Variants in SEMA3A observed in about 807,000 individuals in gnomAD.
SEMA3A encodes the protein semaphorin 3A.
In SEMA3A, 29 loss-of-function variants were observed where a neutral mutation model predicts 97.9. That is an observed-to-expected ratio of 0.30 (90% CI 0.22 to 0.40). The LOEUF (loss-of-function observed/expected upper bound fraction) is 0.40, where lower values mean the gene tolerates loss of function less well. Ranked by LOEUF, SEMA3A falls within the 10% of genes least tolerant of loss-of-function variation. SEMA3A has a pLI of 1.00. For missense variants in SEMA3A, 763 were observed against 951.3 expected (o/e 0.80, Z 2.60); for synonymous variants, 321 against 323.7 (o/e 0.99, Z 0.09).
chr7:83,999,357 A>T (rs1301943972), intron 12 of SEMA3A, among the ~76,000 whole-genome samples: 1 of 152,146 alleles, frequency 6.6e-6, no homozygotes. Context: ...ATCCCTGGAG[A>T]TATAAATAAT....
At chr7:84,215,274 C>T (rs1445261673) in intron 3 of SEMA3A, among the ~76,000 whole-genome samples, 1 of 151,980 alleles carries the variant, frequency 6.6e-6, no homozygotes, top group East Asian at 2.0e-4. Context: ...CAACCTCCCC[C>T]TCCTGGGTTC....
Position 84,128,994 on chromosome 7 carries a change from T to A in SEMA3A, c.333+129A>T, listed in dbSNP as rs1795879349. ...GTTCTATCCTAAAGATATCTTATTA[T>A]ATATATGAAAAGATTCTAACCCCTT... On this transcript the variant is annotated intron_variant, in intron 3 of 16. Coordinates refer to ENST00000265362, the MANE Select transcript of SEMA3A (RefSeq NM_006080.3). The A allele has an allele frequency of 4.5e-6, 3 of 662,976 alleles. No individual in the cohort carries two copies. In the Admixed American group the frequency reaches 8.1e-5, roughly 18 times the overall value. 41.1% of individuals were successfully genotyped at this position (662,976 alleles called of 1,614,324 possible).
chr7:84,312,872 TTATATATATATATA>T lies in SEMA3A; in HGVS notation c.-168-5594_-168-5581del, dbSNP rs377261705. On this transcript the variant is annotated intron_variant, in intron 2 of 3. Transcript: ENST00000424555. ...TTTCAGAGGATATTTTGGTGTTGTT[TTATATATATATATA>T]TATATATATATATATATATATATAT... Among the ~76,000 whole-genome samples, 346 of 48,840 alleles carry T rather than the reference TTATATATATATATA, an allele frequency of 7.1e-3. 12 individuals carry two copies. The highest frequency in any genetic ancestry group is 0.024 in the African/African-American group (234 of 9,922). The allele number at this position is 48,840 out of a possible 152,430, so 32.0% of individuals were successfully genotyped here. A position where few individuals can be genotyped will look rare whatever the true frequency, so the allele number is the denominator to read the frequency against.
At chr7:84,429,066 G>T (rs1432098146) in intron 1 of SEMA3A, among the ~76,000 whole-genome samples, 1 of 151,982 alleles carries the variant, frequency 6.6e-6, no homozygotes, top group South Asian at 2.1e-4. Context: ...CAACACAAAA[G>T]GAAGTCATGA....
chr7:84,341,429 A>G (rs987492428), intron 2 of SEMA3A, among the ~76,000 whole-genome samples: 6 of 152,086 alleles, frequency 3.9e-5, no homozygotes, highest in Admixed American at 6.6e-5. Context: ...CAAGTCATTA[A>G]GATAATTTTT....
chr7:84,399,371 G>A (rs1441845884), intron 1 of SEMA3A, among the ~76,000 whole-genome samples: 1 of 152,158 alleles, frequency 6.6e-6, no homozygotes. Flanking sequence ...CCTGACTGCA[G>A]TCCTTGAATG....
chr7:84,404,163 G>T (rs1443334944), intron 1 of SEMA3A, among the ~76,000 whole-genome samples: 1 of 152,074 alleles, frequency 6.6e-6, no homozygotes, highest in Non-Finnish European at 1.5e-5. Flanking sequence ...TTAGACGAAT[G>T]GATAACTGGA....
intron 4 of SEMA3A, among the ~76,000 whole-genome samples, chr7:84,102,744 C>G (rs1794996539): frequency 6.6e-6 from 1 of 151,918 alleles, no homozygotes; most frequent in Admixed American, 6.6e-5. Context: ...CCACACCTGG[C>G]TATTTTTTGT....
intron 3 of SEMA3A, among the ~76,000 whole-genome samples, chr7:84,254,879 A>G (rs748863783): frequency 1.3e-5 from 2 of 152,168 alleles, no homozygotes; most frequent in Non-Finnish European, 2.9e-5. Context: ...GAACCAAAAG[A>G]CATTTATATG....
chr7:84,394,297 C>T (rs896698922), intron 1 of SEMA3A, among the ~76,000 whole-genome samples: 11 of 152,006 alleles, frequency 7.2e-5, no homozygotes, highest in Non-Finnish European at 1.6e-4. Flanking sequence ...TTTTTAACTT[C>T]TATGTGTTGA....
At chr7:83,982,283 T>C (rs566172318) in intron 13 of SEMA3A, among the ~76,000 whole-genome samples, 12 of 152,310 alleles carry the variant, frequency 7.9e-5, no homozygotes, top group African/African-American at 2.9e-4. Context: ...CTTTAAAGTA[T>C]GCATTCAGAT....
chr7:84,005,696 C>T, intron 10 of SEMA3A, 138 bp from the exon 11 acceptor site: 1 of 606,958 alleles, frequency 1.6e-6, no homozygotes, highest in Non-Finnish European at 2.7e-6. Flanking sequence ...ACCTCTAATC[C>T]TAGCACTTTG....
rs977484 is a variant in SEMA3A, at chr7:84,329,360, G to A, written c.-168-22068C>T. Among the ~76,000 whole-genome samples the A allele has an allele frequency of 8.5e-3, 1,297 of 152,084 alleles. 19 individuals are homozygous for A. The highest frequency in any genetic ancestry group is 0.03 in the African/African-American group (1,238 of 41,516). ...AATGTGAGAACCTTTTTGCTTAAATGTGGTGGTGGATATCACCACATTATG... is the reference window on the plus strand; with the variant it reads ...AATGTGAGAACCTTTTTGCTTAAATATGGTGGTGGATATCACCACATTATG... On this transcript the variant is annotated intron_variant, in intron 2 of 3. Transcript: ENST00000424555.
In SEMA3A at chr7:84,430,173, TTAA is replaced by T. The variant is rs1206089412; in HGVS notation, c.-245-58276_-245-58274del. Among the ~76,000 whole-genome samples the T allele has an allele frequency of 2.0e-5, 3 of 152,108 alleles. No homozygotes were observed. The East Asian group carries it at 5.8e-4, about 29-fold the overall frequency. On this transcript the variant is annotated intron_variant, in intron 1 of 3. Coordinates refer to the SEMA3A transcript ENST00000424555. ...TTTTCTTTCATTTGTCTTCCATTTT[TTAA>T]TAATAATATTCTCTCAGTGTACTAA...
intron 1 of SEMA3A, among the ~76,000 whole-genome samples, chr7:84,444,754 G>A: frequency 6.6e-6 from 1 of 151,258 alleles, no homozygotes; most frequent in East Asian, 1.9e-4. Flanking sequence ...GTAGAGACGG[G>A]GTTCACCGTG....
intron 15 of SEMA3A, among the ~76,000 whole-genome samples, chr7:83,966,454 T>A (rs1159897419): frequency 1.3e-5 from 2 of 152,178 alleles, no homozygotes; most frequent in African/African-American, 4.8e-5. Flanking sequence ...CCTTAGTAAG[T>A]TTGCTTTGAT....
rs141231950 is a variant in SEMA3A at position 84,161,555 on chromosome 7, C to T, written c.113-26604G>A. On this transcript the variant is annotated intron_variant, in intron 1 of 16. Transcript: ENST00000265362. Reference sequence around the variant, plus strand: ...ACTACCAAACTATAAAAGTAGTTGGCAAGCTCATGAAATAGGTGGCTAGAA... The same window carrying T: ...ACTACCAAACTATAAAAGTAGTTGGTAAGCTCATGAAATAGGTGGCTAGAA... Among the ~76,000 whole-genome samples, 177 of 152,154 alleles carry T rather than the reference C, an allele frequency of 1.2e-3. 1 individual carries two copies. In the East Asian group the frequency reaches 0.013, roughly 11 times the overall value.
chr7:84,086,769 G>T (rs538984935), intron 4 of SEMA3A, among the ~76,000 whole-genome samples: 1 of 150,198 alleles, frequency 6.7e-6, no homozygotes, highest in African/African-American at 2.5e-5. Context: ...CACCTTTCAA[G>T]TATTGGCTGT....
chr7:84,079,409 A>G (rs1794071503), intron 4 of SEMA3A, among the ~76,000 whole-genome samples: 1 of 150,956 alleles, frequency 6.6e-6, no homozygotes, highest in Non-Finnish European at 1.5e-5. Context: ...ATCAGAGTGA[A>G]CAGGCAACCT....
Sources: gnomAD v4.1 joint callset for allele counts (sites outside exome capture counted in the v4.1 genomes callset) on GRCh38, gnomAD v4.1.1 for gene constraint, MANE v1.5 for transcripts, NCBI Gene and HGNC (gene_info 2026-07-23, HGNC 2026-07-21) for gene names.